PLB1: variants seen among roughly 807,000 people sequenced by gnomAD.
PLB1 encodes the protein phospholipase B1, membrane-associated.
PLB1 carries 242 observed loss-of-function variants against 227.4 expected under a neutral mutation model. That is an observed-to-expected ratio of 1.06 (90% CI 0.96 to 1.18). The LOEUF is 1.18. Among genes scored for constraint, PLB1 ranks in the 50% most tolerant of loss-of-function variants. The pLI is 0.00. For missense variants in PLB1, 1,858 were observed against 1,816.3 expected (o/e 1.02, Z -0.42); for synonymous variants, 757 against 682.2 (o/e 1.11, Z -1.71).
chr2:28,579,394 G>A (rs1208110770), intron 22 of PLB1, among the ~76,000 whole-genome samples: 2 of 152,176 alleles, frequency 1.3e-5, no homozygotes, highest in African/African-American at 4.8e-5. Flanking sequence ...ACTGACGTGT[G>A]TGCTTTTGTG....
At chr2:28,621,176 C>G (rs965861136) in intron 49 of PLB1, among the ~76,000 whole-genome samples, 198 bp downstream of exon 49, 1 of 152,192 alleles carries the variant, frequency 6.6e-6, no homozygotes, top group East Asian at 1.9e-4. Flanking sequence ...CTTTCCAGAA[C>G]CACCAAGATT....
chr2:28,602,596 C>G (rs370795146), intron 38 of PLB1, among the ~76,000 whole-genome samples: 2 of 152,198 alleles, frequency 1.3e-5, no homozygotes, highest in African/African-American at 4.8e-5. Flanking sequence ...TTGTCCCACT[C>G]CAGGAGGTGC....
chr2:28,614,168 C>T (rs1414064592), intron 44 of PLB1, 72 bp downstream of exon 44: 12 of 1,392,014 alleles, frequency 8.6e-6, no homozygotes, highest in African/African-American at 1.4e-5. Context: ...GGGTGTGGTA[C>T]AGGTTTCAGA....
At chr2:28,529,278 C>G (rs372549251) in intron 6 of PLB1, 39 bp from the exon 7 acceptor site, 2 of 1,467,272 alleles carry the variant, frequency 1.4e-6, no homozygotes, top group Non-Finnish European at 1.9e-6. Context: ...TGGCCTTCAG[C>G]TGGTGAAGGC....
intron 33 of PLB1, chr2:28,594,836 C>T (rs1682632991): frequency 1.3e-5 from 2 of 152,098 alleles, no homozygotes; most frequent in African/African-American, 2.4e-5. Flanking sequence ...ATCAGAGCCT[C>T]ACTGACTCAC....
At position 28,589,704 on chromosome 2, in the gene PLB1, T is replaced by A. The variant is rs1681544718; in HGVS notation, c.1950T>A (p.Ala650=). The A allele has an allele frequency of 6.2e-7, 1 of 1,614,132 alleles. No homozygotes were observed. Among genetic ancestry groups the A allele is most frequent in the African/African-American group, 1.3e-5 (1 of 75,054 alleles). Residue 650 remains alanine, a synonymous_variant, in exon 28 of 58, where the codon GCT becomes GCA. Coordinates refer to ENST00000327757, the MANE Select transcript of PLB1 (RefSeq NM_153021.5). The part of the protein sequence containing the change: ...SEGLPDNSFF[A]PDCFHFSSKS... ...GATTGCCTGACAACTCTTTCTTCGC[T>A]CCTGACTGTTTCCACTTCAGCAGCA... is the stretch of plus-strand genomic sequence containing the variant.
At chr2:28,578,210 G>T in intron 22 of PLB1, 52 bp downstream of exon 22, 1 of 1,574,086 alleles carries the variant, frequency 6.4e-7, no homozygotes, top group Non-Finnish European at 8.7e-7. Context: ...ACACAGAGAA[G>T]ATCAGCTGTG....
chr2:28,516,922 T>G, intron 2 of PLB1, 53 bp downstream of exon 2: 1 of 1,571,842 alleles, frequency 6.4e-7, no homozygotes, highest in Middle Eastern at 1.7e-4. Context: ...AGAGGGAGGA[T>G]TTTCCTTGTA....
intron 46 of PLB1, among the ~76,000 whole-genome samples, chr2:28,618,979 CAAG>C (rs1686599351): frequency 6.6e-6 from 1 of 152,176 alleles, no homozygotes; most frequent in African/African-American, 2.4e-5. Flanking sequence ...GCTGGAAAAA[CAAG>C]AAACGTACAC....
chr2:28,582,317 G>A, intron 24 of PLB1, 88 bp from the exon 25 acceptor site: 1 of 1,280,840 alleles, frequency 7.8e-7, no homozygotes. Flanking sequence ...CCCTAGATCT[G>A]AAACTTCAGC....
chr2:28,511,952 C>CT (rs35941185), intron 1 of PLB1, among the ~76,000 whole-genome samples: 22,799 of 131,052 alleles, frequency 0.17, 2,122 homozygotes, highest in South Asian at 0.26. Context: ...GCCTGGCTAA[C>CT]TTTTTTTTTT....
chr2:28,582,516 T>C lies in PLB1; in HGVS notation c.1733+11T>C. The C allele has an allele frequency of 6.3e-7, 1 of 1,580,722 alleles. No homozygotes were observed. The highest frequency in any genetic ancestry group is 1.7e-5 in the Admixed American group (1 of 57,502). ...AAGGATGATCCTCAGGTCAGACAGA[T>C]ACTTCTCCCCGATTCTACTAAGAAT... On this transcript the variant is annotated intron_variant, in intron 25 of 57. Transcript: ENST00000327757.
Position 28,614,043 on chromosome 2 carries a change from C to G in PLB1, c.3142C>G (p.Leu1048Val), listed in dbSNP as rs1206842986. 2 of 1,612,682 alleles carry G rather than the reference C, an allele frequency of 1.2e-6. No individual in the cohort carries two copies. The highest frequency in any genetic ancestry group is 1.7e-6 in the Non-Finnish European group (2 of 1,178,928). The change falls in exon 44 of 58, where the codon CTG (leucine) becomes GTG (valine). Residue 1048 changes from leucine to valine, a missense_variant. By Grantham distance (32) the Leu-to-Val change is conservative. Coordinates refer to ENST00000327757, the MANE Select transcript of PLB1 (RefSeq NM_153021.5). The part of the protein sequence containing the change: ...ITCPTQNEPF[L>V]RTPRNSNYTY... ...TTTTTTCTCTTAGAATGAGCCCTTC[C>G]TGAGAACCCCTCGGAATAGTAACTA...
intron 48 of PLB1, 21 bp from the exon 49 acceptor site, chr2:28,620,855 TCTC>T (rs746224994): frequency 6.5e-5 from 103 of 1,594,298 alleles, no homozygotes; most frequent in Admixed American, 3.0e-4. Flanking sequence ...CCTGTGCTCT[TCTC>T]CTCCTCCTCC....
chr2:28,507,837 G>T (rs1298743194), intron 1 of PLB1, among the ~76,000 whole-genome samples: 1 of 152,136 alleles, frequency 6.6e-6, no homozygotes, highest in Admixed American at 6.5e-5. Flanking sequence ...TTGGTGGTGT[G>T]GTCTCTCTGG....
rs544952354 is a variant in PLB1, at chr2:28,511,455, T to C, written c.56-5353T>C. On this transcript the variant is annotated intron_variant, in intron 1 of 57. Transcript: ENST00000327757. ...TATTATTTTAGGTTTACCTACATAT[T>C]TATTCTTTCTGTACTTCATTCCTTT... Among the ~76,000 whole-genome samples, 20 of 152,340 alleles carry C rather than the reference T, an allele frequency of 1.3e-4. No individual in the cohort carries two copies. The South Asian group carries it at 2.1e-3, about 16-fold the overall frequency.
At chr2:28,591,318 G>A (rs11127175) in intron 30 of PLB1, 147 bp downstream of exon 30, 14 of 939,222 alleles carry the variant, frequency 1.5e-5, no homozygotes, top group Non-Finnish European at 2.4e-5. Context: ...AGATGGGGTA[G>A]TGGGCAGAGT....
intron 36 of PLB1, 79 bp from the exon 37 acceptor site, chr2:28,601,173 G>A: frequency 8.3e-7 from 1 of 1,203,728 alleles, no homozygotes; most frequent in South Asian, 1.3e-5. Flanking sequence ...TGTTATAGAG[G>A]GTTGAATGGA....
chr2:28,626,123 G>A (rs1021490663), intron 50 of PLB1, among the ~76,000 whole-genome samples: 2 of 151,654 alleles, frequency 1.3e-5, no homozygotes, highest in African/African-American at 2.4e-5. Flanking sequence ...AGCCTCCCAA[G>A]TAGCTGGGAT....
Sources: allele counts gnomAD v4.1 joint callset (sites outside exome capture counted in the v4.1 genomes callset), GRCh38; gene constraint gnomAD v4.1.1; transcripts MANE v1.5; gene names NCBI Gene and HGNC (gene_info 2026-07-23, HGNC 2026-07-21).